Variants in CRPPA observed in about 807,000 individuals in gnomAD.
CRPPA encodes D-ribitol-5-phosphate cytidylyltransferase.
A neutral mutation model predicts 52.0 loss-of-function variants in CRPPA; 43 were observed. The observed-to-expected ratio is 0.83, with a 90% CI of 0.65 to 1.07. The LOEUF is 1.07. Among genes scored for constraint, CRPPA ranks in the 50% least tolerant of loss-of-function variants. The pLI is 0.00. For missense variants in CRPPA, 629 were observed against 551.7 expected, an observed-to-expected ratio of 1.14 and a Z score of -1.40; for synonymous variants, 250 against 203.5, an observed-to-expected ratio of 1.23 and a Z score of -1.94.
At chr7:16,303,044 T>A (rs896926368) in intron 4 of CRPPA, among the ~76,000 whole-genome samples, 1 of 152,228 alleles carries the variant, frequency 6.6e-6, no homozygotes, top group Non-Finnish European at 1.5e-5. Flanking sequence ...CCAGTCATAC[T>A]GCTTTTGAAG....
chr7:16,272,692 G>GGAT (rs1784116459), intron 6 of CRPPA, among the ~76,000 whole-genome samples: 1 of 152,104 alleles, frequency 6.6e-6, no homozygotes, highest in Non-Finnish European at 1.5e-5. Flanking sequence ...TTTCCTAAGG[G>GGAT]GATGTCTTTC....
Position 16,373,782 on chromosome 7 carries a change from A to G in CRPPA, c.684+2310T>C, listed in dbSNP as rs79172617. ...ATGGCTAGAGCATATATAAGGGGGC[A>G]AATGAGATAAGCCAGAAGAAACAGG... On this transcript the variant is annotated intron_variant, in intron 3 of 9. Coordinates refer to ENST00000407010, the MANE Select transcript of CRPPA (RefSeq NM_001101426.4). 3.3e-3 allele frequency among the ~76,000 whole-genome samples: 506 copies of G among 152,344 alleles called. 3 individuals are homozygous for G. The highest frequency in any genetic ancestry group is 0.012 in the African/African-American group (481 of 41,586).
chr7:16,179,861 TCAG>T (rs1420114917), intron 9 of CRPPA, among the ~76,000 whole-genome samples: 5 of 152,154 alleles, frequency 3.3e-5, no homozygotes, highest in African/African-American at 4.8e-5. Flanking sequence ...TTCATTTATG[TCAG>T]CAGATGATTT....
chr7:16,221,175 A>C (rs1165906378), intron 8 of CRPPA, among the ~76,000 whole-genome samples: 2 of 152,236 alleles, frequency 1.3e-5, no homozygotes, highest in African/African-American at 4.8e-5. Flanking sequence ...GACAAACCTG[A>C]GAAAAACAAG....
At chr7:16,406,773 C>T (rs1787963631) in intron 1 of CRPPA, among the ~76,000 whole-genome samples, 1 of 152,156 alleles carries the variant, frequency 6.6e-6, no homozygotes, top group Admixed American at 6.5e-5. Context: ...TTCAAGAATT[C>T]CACCAAGTTG....
At chr7:16,166,736 T>G (rs1781074547) in intron 9 of CRPPA, among the ~76,000 whole-genome samples, 1 of 152,158 alleles carries the variant, frequency 6.6e-6, no homozygotes, top group Admixed American at 6.5e-5. Context: ...TTTTCAGGAC[T>G]CTTACATCAC....
At chr7:16,372,637 A>G (rs1786777614) in intron 3 of CRPPA, among the ~76,000 whole-genome samples, 1 of 152,170 alleles carries the variant, frequency 6.6e-6, no homozygotes, top group Admixed American at 6.6e-5. Context: ...AACATAATGA[A>G]AAAAAGGACC....
In CRPPA at chr7:16,199,788, G is replaced by GA. The variant is rs35723446; in HGVS notation, c.1251+16277dup. Among the ~76,000 whole-genome samples the GA allele has an allele frequency of 4.7e-5, 7 of 150,212 alleles. No homozygotes were observed. The South Asian group carries it at 1.1e-3, about 23-fold the overall frequency. On this transcript the variant is annotated intron_variant, in intron 9 of 9. Coordinates refer to ENST00000407010, the MANE Select transcript of CRPPA (RefSeq NM_001101426.4). Reference sequence around the variant, plus strand: ...CCAGATTTTGTGACTAACATGGACTGAAAAAAATCAGACATTCCACTCTAA... The same window carrying GA: ...CCAGATTTTGTGACTAACATGGACTGAAAAAAAATCAGACATTCCACTCTAA...
chr7:16,308,135 C>G (rs1484978504), intron 4 of CRPPA, among the ~76,000 whole-genome samples: 1 of 152,060 alleles, frequency 6.6e-6, no homozygotes, highest in Non-Finnish European at 1.5e-5. Flanking sequence ...CCTCCTGAGG[C>G]CTCTCCAGAA....
At chr7:16,206,563 G>T (rs990113171) in intron 9 of CRPPA, among the ~76,000 whole-genome samples, 2 of 149,992 alleles carry the variant, frequency 1.3e-5, no homozygotes, top group African/African-American at 5.0e-5. Flanking sequence ...TACAAATTCT[G>T]AACCTTTTTT....
At chr7:16,301,981 TAGAA>T (rs1414141582) in intron 4 of CRPPA, among the ~76,000 whole-genome samples, 1 of 152,092 alleles carries the variant, frequency 6.6e-6, no homozygotes, top group Non-Finnish European at 1.5e-5. Flanking sequence ...GTGGCTAAAA[TAGAA>T]AGAGCCTATA....
chr7:16,201,230 GAGAC>G (rs1314148026), intron 9 of CRPPA, among the ~76,000 whole-genome samples: 4 of 152,114 alleles, frequency 2.6e-5, no homozygotes, highest in Admixed American at 1.3e-4. Context: ...TTCACGACAG[GAGAC>G]AGACAAATTC....
At chr7:16,127,790 C>T (rs1422741591) in intron 9 of CRPPA, among the ~76,000 whole-genome samples, 1 of 151,960 alleles carries the variant, frequency 6.6e-6, no homozygotes, top group Non-Finnish European at 1.5e-5. Context: ...TTTGGAGATA[C>T]AAAAATAATA....
intron 9 of CRPPA, among the ~76,000 whole-genome samples, chr7:16,154,840 C>T (rs1783143162): frequency 6.7e-6 from 1 of 149,856 alleles, no homozygotes; most frequent in African/African-American, 2.5e-5. Context: ...CAGAATCTCA[C>T]TCTGCTGCCC....
intron 9 of CRPPA, among the ~76,000 whole-genome samples, chr7:16,210,088 C>T (rs994372157): frequency 8.5e-5 from 13 of 152,148 alleles, no homozygotes; most frequent in African/African-American, 2.9e-4. Flanking sequence ...GCCTTTCTAA[C>T]ACCCTATGCC....
intron 2 of CRPPA, among the ~76,000 whole-genome samples, chr7:16,397,548 G>A (rs754051949): frequency 5.9e-5 from 9 of 152,100 alleles, no homozygotes; most frequent in Non-Finnish European, 1.0e-4. Context: ...TGTGATTGAC[G>A]AAATGTGATG....
chr7:16,134,636 A>G (rs1015738454), intron 9 of CRPPA, among the ~76,000 whole-genome samples: 2 of 152,206 alleles, frequency 1.3e-5, no homozygotes, highest in African/African-American at 4.8e-5. Flanking sequence ...GGGTATAATA[A>G]TCAATAATCA....
At chr7:16,179,427 T>C (rs1015111412) in intron 9 of CRPPA, among the ~76,000 whole-genome samples, 3 of 151,926 alleles carry the variant, frequency 2.0e-5, no homozygotes, top group Non-Finnish European at 2.9e-5. Flanking sequence ...AAGGTTATCC[T>C]GGATTATCTT....
At chr7:16,311,343 C>CTA (rs1303374491) in intron 3 of CRPPA, among the ~76,000 whole-genome samples, 1 of 152,022 alleles carries the variant, frequency 6.6e-6, no homozygotes, top group Non-Finnish European at 1.5e-5. Context: ...CTATACATAC[C>CTA]TCCGGCCCCC....
Sources: gnomAD v4.1 joint callset for allele counts (sites outside exome capture counted in the v4.1 genomes callset) on GRCh38, gnomAD v4.1.1 for gene constraint, MANE v1.5 for transcripts, NCBI Gene and HGNC (gene_info 2026-07-23, HGNC 2026-07-21) for gene names.